HSPBAP1: variants seen among roughly 807,000 people sequenced by gnomAD.
HSPBAP1 encodes HSPB1-associated protein 1.
In HSPBAP1, 27 loss-of-function variants were observed where a neutral mutation model predicts 45.2. The ratio of observed to expected loss-of-function variants is 0.60; its 90% CI spans 0.44 to 0.82. The LOEUF is 0.82. Ranked by LOEUF, HSPBAP1 falls within the 40% of genes least tolerant of loss-of-function variation. The probability of loss-of-function intolerance (pLI) is 0.00; values close to 1 mark genes in which losing one functional copy is unlikely to be tolerated. For synonymous variants in HSPBAP1, 204 were observed against 202.7 expected (o/e 1.01, Z -0.06); for missense variants, 510 against 590.9 (o/e 0.86, Z 1.42).
In HSPBAP1 at chr3:122,755,861, A is replaced by G. The variant is rs557374801; in HGVS notation, c.570-430T>C. ...GCAAACACTCATAGTTCTATCCACCAAATAGTTTCCAGACTTCTCCCTGTT... is the reference window on the plus strand; with the variant it reads ...GCAAACACTCATAGTTCTATCCACCGAATAGTTTCCAGACTTCTCCCTGTT... On this transcript the variant is annotated intron_variant, in intron 4 of 7. Coordinates refer to ENST00000306103, the MANE Select transcript of HSPBAP1 (RefSeq NM_024610.6). Among the ~76,000 whole-genome samples the G allele has an allele frequency of 5.9e-5, 9 of 152,306 alleles. No homozygotes were observed. In the South Asian group the frequency reaches 1.7e-3, roughly 28 times the overall value.
intron 4 of HSPBAP1, among the ~76,000 whole-genome samples, chr3:122,756,642 G>T (rs1401855817): frequency 2.7e-5 from 4 of 150,920 alleles, no homozygotes; most frequent in Non-Finnish European, 4.4e-5. Context: ...AGGAAGCAGT[G>T]AGCTATGATT....
chr3:122,782,037 AC>A (rs1204926834), intron 1 of HSPBAP1, among the ~76,000 whole-genome samples: 1 of 152,210 alleles, frequency 6.6e-6, no homozygotes, highest in African/African-American at 2.4e-5. Flanking sequence ...CAAAAATGAA[AC>A]TTTAGTGTTA....
At chr3:122,751,919 C>A (rs1434818253) in intron 6 of HSPBAP1, among the ~76,000 whole-genome samples, 2 of 152,164 alleles carry the variant, frequency 1.3e-5, no homozygotes, top group Non-Finnish European at 2.9e-5. Context: ...GGCTGTCAAA[C>A]AGAGCAGAAA....
At chr3:122,788,606 T>C (rs1935724911) in intron 1 of HSPBAP1, among the ~76,000 whole-genome samples, 1 of 152,218 alleles carries the variant, frequency 6.6e-6, no homozygotes, top group Non-Finnish European at 1.5e-5. Flanking sequence ...GGAACGTTAT[T>C]CCGCCTTAAA....
Position 122,740,615 on chromosome 3 carries a change from G to C in HSPBAP1, c.1197C>G (p.Ser399=). The change falls in exon 8 of 8, where the codon TCC becomes TCG. Residue 399 remains serine (S), a synonymous_variant. Transcript: ENST00000306103. ...GPDLVPVAQR[S]EEPPSERGGI... ...CTCCTCTTTCTGAAGGCGGTTCTTC[G>C]GACCTCTGTGCTACAGGGACCAGAT... 6.2e-7 allele frequency: 1 copy of C among 1,614,036 alleles called. No individual in the cohort carries two copies. Among genetic ancestry groups the C allele is most frequent in the Non-Finnish European group, 8.5e-7 (1 of 1,180,020 alleles).
At chr3:122,788,638 T>C (rs1935726015) in intron 1 of HSPBAP1, among the ~76,000 whole-genome samples, 1 of 152,222 alleles carries the variant, frequency 6.6e-6, no homozygotes, top group Admixed American at 6.5e-5. Flanking sequence ...TTCTATCATA[T>C]ACTACAACAT....
chr3:122,767,624 T>TG (rs1934834596), intron 3 of HSPBAP1, among the ~76,000 whole-genome samples: 1 of 152,024 alleles, frequency 6.6e-6, no homozygotes, highest in Non-Finnish European at 1.5e-5. Context: ...TTTCCTTTTT[T>TG]ATAAAATAAA....
intron 6 of HSPBAP1, among the ~76,000 whole-genome samples, chr3:122,750,926 T>G (rs1219278745): frequency 2.0e-5 from 3 of 152,168 alleles, no homozygotes; most frequent in Non-Finnish European, 4.4e-5. Flanking sequence ...CAGGGATGAC[T>G]GTGAAATACT....
At position 122,740,678 on chromosome 3, in the gene HSPBAP1, T is replaced by A. The variant is rs1426812531; in HGVS notation, c.1134A>T (p.Gly378=). The A allele has an allele frequency of 6.2e-7, 1 of 1,614,054 alleles. No individual in the cohort carries two copies. The highest frequency in any genetic ancestry group is 8.5e-7 in the Non-Finnish European group (1 of 1,180,022). The change falls in exon 8 of 8, where the codon GGA becomes GGT. Residue 378 remains glycine (G), a synonymous_variant. Coordinates refer to ENST00000306103, the MANE Select transcript of HSPBAP1 (RefSeq NM_024610.6). ...GACTTGCTGCCTCCGGTTTGTCTGT[T>A]CCTGTGGTCAAGTTCTGGCTACCTG... ...GQTGSQNLTT[G]TDKPEAASPF...
rs1404002248 is a variant in HSPBAP1, at chr3:122,780,920, C to A, written c.65-3014G>T. 2.4e-5 allele frequency among the ~76,000 whole-genome samples: 2 copies of A among 84,600 alleles called. 1 individual carries two copies. The highest frequency in any genetic ancestry group is 5.7e-5 in the Non-Finnish European group (2 of 35,024). 55.5% of individuals were successfully genotyped at this position (84,600 alleles called of 152,430 possible). ...GGCACTCCTCACATCCCAGACGGGG[C>A]GGCGGGGCAGAGGCGGTCCCCACAT... On this transcript the variant is annotated intron_variant, in intron 1 of 7. Transcript: ENST00000306103.
chr3:122,786,721 G>C lies in HSPBAP1; in HGVS notation c.64+6896C>G, dbSNP rs577655284. 1.6e-4 allele frequency among the ~76,000 whole-genome samples: 25 copies of C among 152,304 alleles called. No homozygotes were observed. In the East Asian group the frequency reaches 4.4e-3, roughly 27 times the overall value. On this transcript the variant is annotated intron_variant, in intron 1 of 7. Coordinates refer to ENST00000306103, the MANE Select transcript of HSPBAP1 (RefSeq NM_024610.6). ...GTATATATTAAATGCCAAAACATTTGCTAAATGAATGAGAGCACTATGAAG... is the reference window on the plus strand; with the variant it reads ...GTATATATTAAATGCCAAAACATTTCCTAAATGAATGAGAGCACTATGAAG...
At chr3:122,746,672 C>T (rs1335013433) in intron 6 of HSPBAP1, among the ~76,000 whole-genome samples, 3 of 150,464 alleles carry the variant, frequency 2.0e-5, no homozygotes, top group Admixed American at 6.6e-5. Context: ...CTCCCTCTCC[C>T]TCTCTTTCCA....
At chr3:122,748,319 A>G (rs1227737362) in intron 6 of HSPBAP1, among the ~76,000 whole-genome samples, 4 of 151,598 alleles carry the variant, frequency 2.6e-5, no homozygotes, top group Admixed American at 2.6e-4. Context: ...CCTTCCCTCC[A>G]CTATTGTCCT....
At chr3:122,750,557 T>TATCTATCTA (rs1560114963) in intron 6 of HSPBAP1, among the ~76,000 whole-genome samples, 1 of 147,278 alleles carries the variant, frequency 6.8e-6, no homozygotes, top group Non-Finnish European at 1.5e-5. Context: ...CTATCTAATC[T>TATCTATCTA]ATCTATCTAT....
chr3:122,755,230 C>T (rs1934304422), intron 5 of HSPBAP1, 30 bp downstream of exon 5: 1 of 1,486,472 alleles, frequency 6.7e-7, no homozygotes, highest in Non-Finnish European at 9.0e-7. Flanking sequence ...TGTCCCCTGG[C>T]AGGTCATTAA....
At chr3:122,790,854 A>G (rs1310257624) in intron 1 of HSPBAP1, among the ~76,000 whole-genome samples, 1 of 152,072 alleles carries the variant, frequency 6.6e-6, no homozygotes, top group East Asian at 1.9e-4. Flanking sequence ...TTAAAAATGA[A>G]CTTTTCTATG....
chr3:122,791,728 G>A (rs768972798), intron 1 of HSPBAP1, among the ~76,000 whole-genome samples: 11 of 152,202 alleles, frequency 7.2e-5, no homozygotes, highest in Non-Finnish European at 1.3e-4. Flanking sequence ...AGCCAGCTAT[G>A]TGAAAAGCCA....
intron 3 of HSPBAP1, among the ~76,000 whole-genome samples, chr3:122,760,274 A>G (rs982051769): frequency 8.4e-6 from 1 of 119,694 alleles, no homozygotes; most frequent in African/African-American, 2.6e-5. Flanking sequence ...AGAAAAGAAA[A>G]AAAACATACT....
chr3:122,744,347 A>T (rs1390204714), intron 6 of HSPBAP1, among the ~76,000 whole-genome samples: 1 of 152,208 alleles, frequency 6.6e-6, no homozygotes, highest in Non-Finnish European at 1.5e-5. Context: ...TGAAAGCAAT[A>T]TCAGAACCTG....
Sources: gnomAD v4.1 joint callset for allele counts (sites outside exome capture counted in the v4.1 genomes callset) on GRCh38, gnomAD v4.1.1 for gene constraint, MANE v1.5 for transcripts, NCBI Gene and HGNC (gene_info 2026-07-23, HGNC 2026-07-21) for gene names.